The following TAF1B variants were observed in gnomAD, a reference collection of about 807,000 sequenced individuals.
TAF1B encodes TATA box-binding protein-associated factor RNA polymerase I subunit B.
In TAF1B, 61 loss-of-function variants were observed where a neutral mutation model predicts 83.9. That is an observed-to-expected ratio of 0.73 (90% CI 0.59 to 0.90). TAF1B has a LOEUF of 0.90. TAF1B is among the 40% of genes least tolerant of loss of function. The pLI, the probability that TAF1B is intolerant of heterozygous loss-of-function variation, is 0.00. For missense variants in TAF1B, 625 were observed against 677.0 expected (o/e 0.92, Z 0.85); for synonymous variants, 221 against 224.6 (o/e 0.98, Z 0.14).
At chr2:9,866,640 T>C (rs925525524) in intron 5 of TAF1B, among the ~76,000 whole-genome samples, 13 of 152,318 alleles carry the variant, frequency 8.5e-5, no homozygotes, top group Admixed American at 6.5e-4. Flanking sequence ...TGCACACGTA[T>C]GGTTATTGCG....
chr2:9,932,842 C>G (rs1448768366), intron 14 of TAF1B, among the ~76,000 whole-genome samples: 2 of 152,092 alleles, frequency 1.3e-5, no homozygotes, highest in African/African-American at 4.8e-5. Flanking sequence ...TTTGAGCTTC[C>G]TGACCGCTTT....
intron 14 of TAF1B, among the ~76,000 whole-genome samples, chr2:9,927,943 C>A (rs1666093134): frequency 6.6e-6 from 1 of 152,116 alleles, no homozygotes; most frequent in African/African-American, 2.4e-5. Flanking sequence ...TTGCCCATGC[C>A]TATGTCCTGA....
intron 4 of TAF1B, among the ~76,000 whole-genome samples, chr2:9,852,496 A>ATT (rs77080337): frequency 0.24 from 35,699 of 149,152 alleles, 4,756 homozygotes; most frequent in East Asian, 0.31. Context: ...ATGCTAAGTG[A>ATT]TTTTTTTTTT....
At chr2:9,905,132 A>C (rs1418184159) in intron 9 of TAF1B, 126 bp downstream of exon 9, 1 of 722,076 alleles carries the variant, frequency 1.4e-6, no homozygotes, top group Non-Finnish European at 2.2e-6. Context: ...CATGAAACTT[A>C]ATGTCAAAAT....
intron 5 of TAF1B, among the ~76,000 whole-genome samples, chr2:9,863,065 C>T (rs1321829437): frequency 6.6e-6 from 1 of 152,182 alleles, no homozygotes; most frequent in Admixed American, 6.5e-5. Flanking sequence ...GCTATAACAT[C>T]ATAATGACAG....
At chr2:9,921,419 T>C (rs1341526665) in intron 14 of TAF1B, among the ~76,000 whole-genome samples, 1 of 152,186 alleles carries the variant, frequency 6.6e-6, no homozygotes, top group Admixed American at 6.5e-5. Context: ...TCAGAAAATT[T>C]CCTCAGGCAG....
At chr2:9,887,541 C>T (rs953269449) in intron 8 of TAF1B, among the ~76,000 whole-genome samples, 2 of 34,834 alleles carry the variant, frequency 5.7e-5, no homozygotes, top group Non-Finnish European at 2.0e-4. Flanking sequence ...ACTAATATAG[C>T]CACTCCAAGT....
At chr2:9,870,404 C>G in intron 6 of TAF1B, among the ~76,000 whole-genome samples, 1 of 152,134 alleles carries the variant, frequency 6.6e-6, no homozygotes, top group Non-Finnish European at 1.5e-5. Flanking sequence ...TGCTGGAGTG[C>G]TTGAGCCAGG....
At chr2:9,843,670 G>C (rs1663097085) in intron 1 of TAF1B, 111 bp downstream of exon 1, 2 of 1,243,342 alleles carry the variant, frequency 1.6e-6, no homozygotes, top group African/African-American at 1.6e-5. Context: ...CCACCGGCTG[G>C]AGGAAGGCGG....
At chr2:9,902,659 G>T (rs568142250) in intron 8 of TAF1B, among the ~76,000 whole-genome samples, 11 of 152,260 alleles carry the variant, frequency 7.2e-5, no homozygotes, top group African/African-American at 2.6e-4. Context: ...GGACATTTGA[G>T]TAATTTCCAG....
intron 5 of TAF1B, among the ~76,000 whole-genome samples, chr2:9,862,673 C>T (rs995301752): frequency 1.3e-5 from 2 of 152,024 alleles, no homozygotes; most frequent in Admixed American, 6.6e-5. Flanking sequence ...TGAAGGAAAA[C>T]ATGTTAAGGG....
At chr2:9,911,026 T>G in intron 10 of TAF1B, 113 bp downstream of exon 10, 3 of 972,760 alleles carry the variant, frequency 3.1e-6, no homozygotes, top group Non-Finnish European at 4.5e-6. Flanking sequence ...AAGAAAAAAT[T>G]TGTACTGTAT....
chr2:9,900,761 C>G (rs115966770), intron 8 of TAF1B, among the ~76,000 whole-genome samples: 4 of 152,070 alleles, frequency 2.6e-5, no homozygotes, highest in Non-Finnish European at 4.4e-5. Context: ...CAAGGATGTT[C>G]CTAAATGTTT....
chr2:9,882,145 G>T (rs939762319), intron 7 of TAF1B, among the ~76,000 whole-genome samples: 2 of 150,476 alleles, frequency 1.3e-5, no homozygotes, highest in African/African-American at 4.9e-5. Context: ...TTGCTCTGTT[G>T]CCCAGGCTGG....
At chr2:9,910,420 A>G (rs536667825) in intron 9 of TAF1B, among the ~76,000 whole-genome samples, 3 of 152,214 alleles carry the variant, frequency 2.0e-5, no homozygotes, top group Non-Finnish European at 2.9e-5. Flanking sequence ...AGTTAGTTTT[A>G]GGTGAGCAAA....
chr2:9,866,132 C>T (rs1459303794), intron 5 of TAF1B, among the ~76,000 whole-genome samples: 1 of 149,844 alleles, frequency 6.7e-6, no homozygotes, highest in Non-Finnish European at 1.5e-5. Context: ...AAGAAACTAC[C>T]ATCAGAGTGA....
At chr2:9,869,339 C>A (rs1280957624) in intron 6 of TAF1B, among the ~76,000 whole-genome samples, 1 of 151,984 alleles carries the variant, frequency 6.6e-6, no homozygotes, top group African/African-American at 2.4e-5. Context: ...ATTCTCCTAC[C>A]TCAGCCTCCT....
intron 7 of TAF1B, among the ~76,000 whole-genome samples, chr2:9,876,423 A>G (rs1242813608): frequency 6.6e-6 from 1 of 152,256 alleles, no homozygotes; most frequent in Non-Finnish European, 1.5e-5. Flanking sequence ...AAGAGCTAAA[A>G]TATAGGTTGT....
At chr2:9,886,399 A>G (rs1261114856) in intron 8 of TAF1B, among the ~76,000 whole-genome samples, 1 of 152,180 alleles carries the variant, frequency 6.6e-6, no homozygotes, top group Non-Finnish European at 1.5e-5. Context: ...ATGGGAAAGG[A>G]TAATGTATCT....
Sources: allele counts gnomAD v4.1 joint callset (sites outside exome capture counted in the v4.1 genomes callset), GRCh38; gene constraint gnomAD v4.1.1; transcripts MANE v1.5; gene names NCBI Gene and HGNC (gene_info 2026-07-23, HGNC 2026-07-21).